The following FREM2 variants were observed in gnomAD, a reference collection of about 807,000 sequenced individuals.
FREM2 encodes FRAS1 related extracellular matrix 2, also known as FRAS1-related extracellular matrix protein 2.
Under a neutral mutation model 219.9 loss-of-function variants are expected in FREM2, and 119 were observed. The observed-to-expected ratio is 0.54, with a 90% CI of 0.47 to 0.63. FREM2 has a LOEUF of 0.63. Among genes scored for constraint, FREM2 ranks in the 30% least tolerant of loss-of-function variants. FREM2 has a pLI of 0.00. For missense variants in FREM2, 4,030 were observed against 3,993.6 expected (o/e 1.01, Z -0.25); for synonymous variants, 1,562 against 1,522.8 (o/e 1.03, Z -0.60).
At position 38,850,199 on chromosome 13, in the gene FREM2, C is replaced by T; in HGVS notation, c.6541C>T (p.Pro2181Ser). ...GGTGATGATGGACTTTGAAGAACGC[C>T]CAAACACTGATACCTCCATCATCAC... Reference protein sequence around the residue: ...AQVMMDFEERPNTDTSIITFL... With the variant: ...AQVMMDFEERSNTDTSIITFL... The change falls in exon 9 of 24, where the codon CCA becomes TCA. Residue 2181 changes from proline to serine, a missense_variant. Pro to Ser is a moderately conservative substitution (Grantham distance 74). Coordinates refer to ENST00000280481, the MANE Select transcript of FREM2 (RefSeq NM_207361.6). The T allele has an allele frequency of 1.9e-6, 3 of 1,613,896 alleles. No homozygotes were observed. Among genetic ancestry groups the T allele is most frequent in the Non-Finnish European group, 2.5e-6 (3 of 1,179,894 alleles).
At chr13:38,815,247 T>G (rs1190346147) in intron 6 of FREM2, among the ~76,000 whole-genome samples, 1 of 152,206 alleles carries the variant, frequency 6.6e-6, no homozygotes, top group Non-Finnish European at 1.5e-5. Flanking sequence ...TCCTTGTATC[T>G]GGCTGTTTCC....
At chr13:38,778,395 A>T (rs763430103) in intron 4 of FREM2, among the ~76,000 whole-genome samples, 3 of 152,146 alleles carry the variant, frequency 2.0e-5, no homozygotes, top group Non-Finnish European at 4.4e-5. Flanking sequence ...TCCTTGGTGC[A>T]TGCTCATGGA....
At chr13:38,802,003 C>T (rs1875031810) in intron 6 of FREM2, among the ~76,000 whole-genome samples, 1 of 152,116 alleles carries the variant, frequency 6.6e-6, no homozygotes, top group Non-Finnish European at 1.5e-5. Context: ...TTGCCCCAAC[C>T]TCAGATCCCA....
chr13:38,858,408 CA>C (rs1268731207), intron 13 of FREM2, among the ~76,000 whole-genome samples: 3 of 152,104 alleles, frequency 2.0e-5, no homozygotes, highest in African/African-American at 7.2e-5. Context: ...GTCAGAGCTG[CA>C]GCTCCATATA....
At chr13:38,795,633 C>T (rs931089916) in intron 6 of FREM2, among the ~76,000 whole-genome samples, 2 of 152,066 alleles carry the variant, frequency 1.3e-5, no homozygotes, top group African/African-American at 4.8e-5. Context: ...ATATACAATA[C>T]ATCATTGCTA....
intron 1 of FREM2, among the ~76,000 whole-genome samples, chr13:38,694,536 A>G (rs1173886184): frequency 1.3e-5 from 2 of 152,206 alleles, no homozygotes; most frequent in East Asian, 1.9e-4. Context: ...AGTGAAGACT[A>G]TGCAGTCCTT....
chr13:38,803,691 G>A (rs532820954), intron 6 of FREM2, among the ~76,000 whole-genome samples: 3 of 150,080 alleles, frequency 2.0e-5, no homozygotes, highest in Admixed American at 6.7e-5. Context: ...GTGACAACCC[G>A]CAGGGGTTTT....
intron 4 of FREM2, among the ~76,000 whole-genome samples, chr13:38,778,322 C>T (rs776335422): frequency 6.6e-5 from 10 of 152,122 alleles, no homozygotes; most frequent in East Asian, 1.9e-4. Context: ...ATTTGGTTCC[C>T]GGTGAGGGGC....
chr13:38,763,728 A>T (rs1447766592), intron 2 of FREM2, among the ~76,000 whole-genome samples: 2 of 152,150 alleles, frequency 1.3e-5, no homozygotes, highest in African/African-American at 2.4e-5. Flanking sequence ...GGAAAACCTT[A>T]TCTTCAGAGT....
chr13:38,865,257 A>C (rs776286318), intron 16 of FREM2, among the ~76,000 whole-genome samples: 1 of 152,094 alleles, frequency 6.6e-6, no homozygotes, highest in Non-Finnish European at 1.5e-5. Context: ...CATAAAATAC[A>C]CATACACACA....
At chr13:38,790,536 A>G (rs1285350562) in intron 6 of FREM2, among the ~76,000 whole-genome samples, 4 of 152,176 alleles carry the variant, frequency 2.6e-5, no homozygotes, top group African/African-American at 4.8e-5. Context: ...TGAAAATAAC[A>G]TGTGTCCAGA....
At chr13:38,718,154 G>T (rs2138104026) in intron 2 of FREM2, among the ~76,000 whole-genome samples, 1 of 152,234 alleles carries the variant, frequency 6.6e-6, no homozygotes, top group East Asian at 1.9e-4. Context: ...CACCTTTCTA[G>T]ATCAAAGAAT....
In FREM2 at chr13:38,687,725, C is replaced by G. The variant is rs952810094; in HGVS notation, c.381C>G (p.Phe127Leu). ...CGGGCCGCCTGAGTCCCAAGCGCTT[C>G]CCGTGCGACTTTGGCCCTGGCGAGG... ...QRPGRLSPKRFPCDFGPGEVR... is the reference protein window; with the variant it reads ...QRPGRLSPKRLPCDFGPGEVR... Residue 127 changes from phenylalanine to leucine, a missense_variant, in exon 1 of 24, where the codon TTC becomes TTG. Physicochemically the swap from Phe to Leu is conservative, Grantham distance 22. Coordinates refer to ENST00000280481, the MANE Select transcript of FREM2 (RefSeq NM_207361.6). The G allele has an allele frequency of 4.5e-6, 7 of 1,551,242 alleles. No homozygotes were observed. The highest frequency in any genetic ancestry group is 2.4e-5 in the South Asian group (2 of 81,644).
At chr13:38,776,291 A>G (rs1036499317) in intron 4 of FREM2, among the ~76,000 whole-genome samples, 1 of 152,200 alleles carries the variant, frequency 6.6e-6, no homozygotes, top group Non-Finnish European at 1.5e-5. Context: ...GCAAGGAACC[A>G]TCAGTGCCTT....
At chr13:38,716,873 G>C (rs1285927855) in intron 2 of FREM2, among the ~76,000 whole-genome samples, 2 of 152,214 alleles carry the variant, frequency 1.3e-5, no homozygotes, top group Non-Finnish European at 2.9e-5. Context: ...ACATATGTAT[G>C]TGTACACGCA....
At chr13:38,813,475 T>C (rs1875580620) in intron 6 of FREM2, among the ~76,000 whole-genome samples, 1 of 8,638 alleles carries the variant, frequency 1.2e-4, no homozygotes, top group South Asian at 0.013. Flanking sequence ...TCTCTCTCTC[T>C]CTCTCTCTCT....
chr13:38,805,098 C>T lies in FREM2; in HGVS notation c.6019+20290C>T, dbSNP rs533690808. Among the ~76,000 whole-genome samples the T allele has an allele frequency of 5.3e-5, 8 of 152,090 alleles. No individual in the cohort carries two copies. In the South Asian group the frequency reaches 1.7e-3, roughly 32 times the overall value. ...AACCAAGCAAAAGAAAAATAAGAGTCATTGGCAGTAGAGCCTGGATAAACG... is the reference window on the plus strand; with the variant it reads ...AACCAAGCAAAAGAAAAATAAGAGTTATTGGCAGTAGAGCCTGGATAAACG... On this transcript the variant is annotated intron_variant, in intron 6 of 23. Coordinates refer to ENST00000280481, the MANE Select transcript of FREM2 (RefSeq NM_207361.6).
At chr13:38,766,047 A>G (rs934617530) in intron 3 of FREM2, among the ~76,000 whole-genome samples, 6 of 152,212 alleles carry the variant, frequency 3.9e-5, no homozygotes. Flanking sequence ...TGATAACTAA[A>G]AAACAGAGCA....
intron 4 of FREM2, among the ~76,000 whole-genome samples, chr13:38,773,133 C>G (rs1025854425): frequency 6.6e-6 from 1 of 152,142 alleles, no homozygotes; most frequent in Non-Finnish European, 1.5e-5. Flanking sequence ...TTTTAAATGA[C>G]TATGTATTTT....
Sources: gnomAD v4.1 joint callset for allele counts (sites outside exome capture counted in the v4.1 genomes callset) on GRCh38, gnomAD v4.1.1 for gene constraint, MANE v1.5 for transcripts, NCBI Gene and HGNC (gene_info 2026-07-23, HGNC 2026-07-21) for gene names.